Variants in PTPRA observed in about 807,000 individuals in gnomAD.
The protein encoded by PTPRA is receptor-type tyrosine-protein phosphatase alpha.
Under a neutral mutation model 104.8 loss-of-function variants are expected in PTPRA, and 25 were observed. The ratio of observed to expected loss-of-function variants is 0.24; its 90% confidence interval spans 0.17 to 0.33. The LOEUF is 0.33. Ranked by LOEUF, PTPRA falls within the 10% of genes least tolerant of loss-of-function variation. PTPRA has a pLI of 1.00. For missense variants in PTPRA, 765 were observed against 1,015.3 expected (o/e 0.75, Z 3.35); for synonymous variants, 323 against 368.9 (o/e 0.88, Z 1.43).
intron 1 of PTPRA, among the ~76,000 whole-genome samples, chr20:2,919,896 A>T (rs1238579198): frequency 6.6e-6 from 1 of 152,246 alleles, no homozygotes; most frequent in Non-Finnish European, 1.5e-5. Flanking sequence ...AAATATCAAA[A>T]GAAGAATACT....
At chr20:2,876,820 T>A (rs2089749661) in intron 1 of PTPRA, among the ~76,000 whole-genome samples, 1 of 152,214 alleles carries the variant, frequency 6.6e-6, no homozygotes. Context: ...GCTGGATAGA[T>A]GATCTTTGGA....
chr20:2,960,488 A>G (rs945682966), intron 3 of PTPRA, among the ~76,000 whole-genome samples: 2 of 151,822 alleles, frequency 1.3e-5, no homozygotes, highest in Admixed American at 1.3e-4. Flanking sequence ...TGACCTCGTG[A>G]TCCGCCCACC....
intron 1 of PTPRA, among the ~76,000 whole-genome samples, chr20:2,900,922 T>G (rs970642707): frequency 1.3e-5 from 2 of 152,066 alleles, no homozygotes; most frequent in Non-Finnish European, 2.9e-5. Flanking sequence ...AATAGTTGAT[T>G]GTTCCCTCCC....
intron 2 of PTPRA, among the ~76,000 whole-genome samples, chr20:2,940,695 G>A (rs749923219): frequency 6.6e-6 from 1 of 152,006 alleles, no homozygotes; most frequent in Non-Finnish European, 1.5e-5. Context: ...AAAAGAGAGA[G>A]AGAAAAAAAG....
chr20:2,866,565 G>T, the PTPRA span: 2 of 1,614,122 alleles, frequency 1.2e-6, no homozygotes, highest in Non-Finnish European at 1.7e-6. Flanking sequence ...CACAAGCCCA[G>T]AAGAAGTGAG....
intron 11 of PTPRA, among the ~76,000 whole-genome samples, chr20:3,014,151 C>G (rs528203314): frequency 6.6e-6 from 1 of 152,304 alleles, no homozygotes; most frequent in South Asian, 2.1e-4. Flanking sequence ...ATTTAACATC[C>G]AGAATTAAGG....
At chr20:2,893,851 T>G (rs1323399302) in intron 1 of PTPRA, among the ~76,000 whole-genome samples, 1 of 152,032 alleles carries the variant, frequency 6.6e-6, no homozygotes, top group African/African-American at 2.4e-5. Context: ...TGCAGATATA[T>G]TGCCTACAAA....
At chr20:2,898,976 T>G (rs2059126146) in intron 1 of PTPRA, among the ~76,000 whole-genome samples, 1 of 152,266 alleles carries the variant, frequency 6.6e-6, no homozygotes, top group South Asian at 2.1e-4. Flanking sequence ...ATAAAATATG[T>G]GCACTACTAG....
chr20:2,882,174 C>G (rs1416027181), intron 1 of PTPRA, among the ~76,000 whole-genome samples: 1 of 152,016 alleles, frequency 6.6e-6, no homozygotes, highest in African/African-American at 2.4e-5. Flanking sequence ...AATATGTGAA[C>G]AAACAATATT....
intron 1 of PTPRA, among the ~76,000 whole-genome samples, chr20:2,919,581 C>T (rs1164599532): frequency 6.6e-6 from 1 of 152,056 alleles, no homozygotes; most frequent in Non-Finnish European, 1.5e-5. Flanking sequence ...TCTTGCCCTG[C>T]CACCCAGGCT....
At chr20:2,949,194 G>A (rs1046815199) in intron 3 of PTPRA, among the ~76,000 whole-genome samples, 5 of 151,782 alleles carry the variant, frequency 3.3e-5, no homozygotes, top group African/African-American at 1.2e-4. Flanking sequence ...CCTTTCTTGA[G>A]TGCAAATCAG....
At chr20:2,970,616 A>G (rs1255409475) in intron 5 of PTPRA, among the ~76,000 whole-genome samples, 1 of 152,178 alleles carries the variant, frequency 6.6e-6, no homozygotes, top group African/African-American at 2.4e-5. Flanking sequence ...GCCTATGGTA[A>G]AACTGCAAAT....
intron 9 of PTPRA, among the ~76,000 whole-genome samples, chr20:2,989,431 C>CA (rs893067189): frequency 3.3e-5 from 5 of 151,648 alleles, no homozygotes; most frequent in African/African-American, 1.2e-4. Flanking sequence ...GACTCCATCT[C>CA]AAAAAAACAA....
intron 7 of PTPRA, chr20:2,987,800 T>C (rs1159340836): frequency 9.8e-6 from 6 of 613,176 alleles, no homozygotes; most frequent in Non-Finnish European, 9.0e-6. Flanking sequence ...GAATATACTG[T>C]TGGGGTTCCC....
At chr20:2,902,343 T>A (rs1217273060) in intron 1 of PTPRA, among the ~76,000 whole-genome samples, 1 of 152,210 alleles carries the variant, frequency 6.6e-6, no homozygotes, top group Non-Finnish European at 1.5e-5. Context: ...ACAAATCAAA[T>A]TATTCTGAAG....
chr20:3,006,017 G>A (rs2063851585), intron 10 of PTPRA, among the ~76,000 whole-genome samples: 1 of 151,876 alleles, frequency 6.6e-6, no homozygotes, highest in Non-Finnish European at 1.5e-5. Context: ...CAGAACCTGT[G>A]AAAATGTTTT....
chr20:2,901,494 C>T (rs6138936), intron 1 of PTPRA, among the ~76,000 whole-genome samples: 6,471 of 152,152 alleles, frequency 0.043, 314 homozygotes, highest in Admixed American at 0.11. Flanking sequence ...AGGGGTAGTA[C>T]GACTGCTGGT....
intron 1 of PTPRA, among the ~76,000 whole-genome samples, chr20:2,898,130 T>C (rs1224933409): frequency 1.3e-5 from 2 of 151,598 alleles, no homozygotes; most frequent in African/African-American, 4.9e-5. Flanking sequence ...GGAGTCTTGC[T>C]CCGTCGCCCA....
intron 1 of PTPRA, among the ~76,000 whole-genome samples, chr20:2,876,059 G>A (rs2089698186): frequency 6.6e-6 from 1 of 152,180 alleles, no homozygotes; most frequent in Admixed American, 6.5e-5. Context: ...AGGATTTAAA[G>A]GAGGTCAGGG....
Sources: gnomAD v4.1 joint callset for allele counts (sites outside exome capture counted in the v4.1 genomes callset) on GRCh38, gnomAD v4.1.1 for gene constraint, MANE v1.5 for transcripts, NCBI Gene and HGNC (gene_info 2026-07-23, HGNC 2026-07-21) for gene names.